GRIN2B: variants seen among roughly 807,000 people sequenced by gnomAD.
GRIN2B encodes the protein glutamate ionotropic receptor NMDA type subunit 2B.
GRIN2B carries 5 observed loss-of-function variants against 114.5 expected under a neutral mutation model. The observed-to-expected ratio is 0.04, with a 90% confidence interval of 0.02 to 0.09. The LOEUF (loss-of-function observed/expected upper bound fraction) is 0.09. Ranked by LOEUF, GRIN2B falls within the 10% of genes least tolerant of loss-of-function variation. The pLI, the probability that GRIN2B is intolerant of heterozygous loss-of-function variation, is 1.00. For missense variants in GRIN2B, 1,108 were observed against 1,943.5 expected (o/e 0.57, Z 8.08); for synonymous variants, 787 against 745.1 (o/e 1.06, Z -0.92).
intron 5 of GRIN2B, among the ~76,000 whole-genome samples, chr12:13,665,795 C>T (rs1462885167): frequency 6.6e-6 from 1 of 152,090 alleles, no homozygotes; most frequent in Non-Finnish European, 1.5e-5. Context: ...CCCTTAATTC[C>T]AGGCTAGACT....
At chr12:13,813,736 C>T (rs530692229) in intron 3 of GRIN2B, among the ~76,000 whole-genome samples, 1 of 152,288 alleles carries the variant, frequency 6.6e-6, no homozygotes, top group East Asian at 1.9e-4. Flanking sequence ...ATGATATAGG[C>T]TAAAAGTAGT....
chr12:13,566,951 G>C, intron 13 of GRIN2B, 74 bp downstream of exon 13: 1 of 1,013,022 alleles, frequency 9.9e-7, no homozygotes, highest in Admixed American at 1.7e-5. Flanking sequence ...TGTCCTCTTG[G>C]TTCTCTCTGC....
chr12:13,571,245 G>T (rs1948704944), intron 11 of GRIN2B, among the ~76,000 whole-genome samples: 1 of 152,150 alleles, frequency 6.6e-6, no homozygotes, highest in South Asian at 2.1e-4. Context: ...GAGGCCAAAT[G>T]AACAAAGGGA....
rs1031498413 is a variant in GRIN2B, at chr12:13,661,499, A to G, written c.1125+14246T>C. Among the ~76,000 whole-genome samples, 6 of 152,314 alleles carry G rather than the reference A, an allele frequency of 3.9e-5. No individual in the cohort carries two copies. The East Asian group carries it at 1.2e-3, about 29-fold the overall frequency. The stretch of plus-strand genomic sequence containing the variant: ...TTCGCAGCTGCCCCCTAGAGACTCC[A>G]AGGTAAACTGCAGGAGCAATCAAAA... On this transcript the variant is annotated intron_variant, in intron 5 of 13. Coordinates refer to ENST00000609686, the MANE Select transcript of GRIN2B (RefSeq NM_000834.5).
At chr12:13,943,897 G>T (rs1867312859) in intron 2 of GRIN2B, among the ~76,000 whole-genome samples, 1 of 152,134 alleles carries the variant, frequency 6.6e-6, no homozygotes. Flanking sequence ...GCTTCAGGAG[G>T]CAGTGACCTG....
At chr12:13,892,513 A>C (rs2136777954) in intron 2 of GRIN2B, among the ~76,000 whole-genome samples, 1 of 152,328 alleles carries the variant, frequency 6.6e-6, no homozygotes, top group South Asian at 2.1e-4. Flanking sequence ...GCCAGTGAGC[A>C]CCCAAGATTC....
intron 5 of GRIN2B, 70 bp from the exon 6 acceptor site, chr12:13,616,727 G>C (rs528196576): frequency 8.0e-7 from 1 of 1,253,380 alleles, no homozygotes; most frequent in Non-Finnish European, 1.2e-6. Context: ...TCCCAGTATT[G>C]TCTGAACAAT....
At chr12:13,723,998 C>T (rs1029951906) in intron 4 of GRIN2B, among the ~76,000 whole-genome samples, 4 of 152,126 alleles carry the variant, frequency 2.6e-5, no homozygotes, top group Non-Finnish European at 1.5e-5. Flanking sequence ...AGAATGGGAC[C>T]TGGAGACCCA....
At chr12:13,822,443 C>T (rs1206668838) in intron 3 of GRIN2B, among the ~76,000 whole-genome samples, 1 of 152,044 alleles carries the variant, frequency 6.6e-6, no homozygotes, top group Non-Finnish European at 1.5e-5. Flanking sequence ...ACAGTCTATG[C>T]ATTTACAATC....
In GRIN2B at chr12:13,737,043, A is replaced by AAC. The variant is rs1466172874; in HGVS notation, c.1010+16273_1010+16274insGT. Among the ~76,000 whole-genome samples the AAC allele has an allele frequency of 5.2e-3, 770 of 149,014 alleles. 5 individuals are homozygous for AAC. Among genetic ancestry groups the AAC allele is most frequent in the Non-Finnish European group, 8.3e-3 (559 of 67,214 alleles). On this transcript the variant is annotated intron_variant, in intron 4 of 13. Transcript: ENST00000609686. ...GAAACTCCATCTCAAAAAAAAAAAAAAAAGAAGAAGAAAAAGAACATGCAA... is the reference window on the plus strand; with the variant it reads ...GAAACTCCATCTCAAAAAAAAAAAAAACAAAGAAGAAGAAAAAGAACATGCAA...
At chr12:13,781,101 C>T (rs1286973082) in intron 3 of GRIN2B, among the ~76,000 whole-genome samples, 2 of 152,092 alleles carry the variant, frequency 1.3e-5, no homozygotes, top group Admixed American at 1.3e-4. Flanking sequence ...CCAAAGGAAA[C>T]TTACTGAGTC....
At chr12:13,955,551 G>A (rs961665791) in intron 2 of GRIN2B, among the ~76,000 whole-genome samples, 1 of 152,082 alleles carries the variant, frequency 6.6e-6, no homozygotes, top group Non-Finnish European at 1.5e-5. Flanking sequence ...AGAAACAGCT[G>A]AACCGGTTCT....
At chr12:13,895,886 G>A (rs1392907528) in intron 2 of GRIN2B, among the ~76,000 whole-genome samples, 2 of 152,020 alleles carry the variant, frequency 1.3e-5, no homozygotes, top group African/African-American at 4.8e-5. Context: ...TATTAATCAT[G>A]GTACTATGGT....
intron 5 of GRIN2B, among the ~76,000 whole-genome samples, chr12:13,654,303 T>C (rs1317391121): frequency 6.6e-6 from 1 of 152,158 alleles, no homozygotes; most frequent in Non-Finnish European, 1.5e-5. Flanking sequence ...TTCCCTGGGC[T>C]CTTTGCAAAG....
chr12:13,846,112 G>C (rs1056113964), intron 3 of GRIN2B, among the ~76,000 whole-genome samples: 1 of 152,126 alleles, frequency 6.6e-6, no homozygotes, highest in African/African-American at 2.4e-5. Flanking sequence ...GAAGAACAAA[G>C]AAAGATTAAG....
chr12:13,595,778 G>A (rs1314447369), intron 10 of GRIN2B, among the ~76,000 whole-genome samples: 3 of 152,202 alleles, frequency 2.0e-5, no homozygotes, highest in Non-Finnish European at 2.9e-5. Flanking sequence ...AGGTGAGAGC[G>A]CCTCTTGCCT....
chr12:13,589,191 T>C (rs1948971931), intron 10 of GRIN2B, among the ~76,000 whole-genome samples: 1 of 152,244 alleles, frequency 6.6e-6, no homozygotes, highest in Admixed American at 6.5e-5. Flanking sequence ...ATTAAGCTAA[T>C]TGTTGTTATA....
chr12:13,763,552 C>T (rs1205459177), intron 3 of GRIN2B, among the ~76,000 whole-genome samples: 1 of 152,214 alleles, frequency 6.6e-6, no homozygotes, highest in Non-Finnish European at 1.5e-5. Context: ...GGGTCTGACA[C>T]ATCTACCGTT....
chr12:13,578,907 C>A (rs1245477134), intron 10 of GRIN2B, among the ~76,000 whole-genome samples: 1 of 152,022 alleles, frequency 6.6e-6, no homozygotes, highest in South Asian at 2.1e-4. Flanking sequence ...ATGTATCAGG[C>A]TCAGGAAACA....
Sources: gnomAD v4.1 joint callset for allele counts (sites outside exome capture counted in the v4.1 genomes callset) on GRCh38, gnomAD v4.1.1 for gene constraint, MANE v1.5 for transcripts, NCBI Gene and HGNC (gene_info 2026-07-23, HGNC 2026-07-21) for gene names.